Variants in CNTLN observed in about 807,000 individuals in gnomAD.
The protein encoded by CNTLN is centlein, also known as centlein, centrosomal protein.
A neutral mutation model predicts 180.0 loss-of-function variants in CNTLN; 212 were observed. The observed-to-expected ratio is 1.18, with a 90% CI of 1.05 to 1.32. CNTLN has a LOEUF of 1.32. Ranked by LOEUF, CNTLN falls within the 40% of genes most tolerant of loss-of-function variation. The probability of loss-of-function intolerance (pLI) is 0.00; values close to 1 mark genes in which losing one functional copy is unlikely to be tolerated. For missense variants in CNTLN, 2,095 were observed against 1,610.9 expected (o/e 1.30, Z -5.14); for synonymous variants, 722 against 563.1 (o/e 1.28, Z -3.99).
At chr9:17,251,149 A>T (rs986705535) in intron 5 of CNTLN, among the ~76,000 whole-genome samples, 1 of 151,986 alleles carries the variant, frequency 6.6e-6, no homozygotes, top group African/African-American at 2.4e-5. Flanking sequence ...GTGATGAGTC[A>T]CTTCTTTCTT....
intron 2 of CNTLN, among the ~76,000 whole-genome samples, chr9:17,220,156 T>C (rs967408899): frequency 6.6e-6 from 1 of 152,116 alleles, no homozygotes; most frequent in Admixed American, 6.6e-5. Context: ...TGGGTGATGA[T>C]GATGCTCGTG....
At chr9:17,464,989 A>G (rs2134203372) in intron 21 of CNTLN, among the ~76,000 whole-genome samples, 1 of 151,394 alleles carries the variant, frequency 6.6e-6, no homozygotes, top group African/African-American at 2.4e-5. Context: ...TATAACTATC[A>G]GAAGTTCTTT....
chr9:17,306,518 A>G (rs371507092), intron 7 of CNTLN, among the ~76,000 whole-genome samples: 20 of 152,218 alleles, frequency 1.3e-4, no homozygotes, highest in South Asian at 4.1e-4. Context: ...GCCTTCTTCC[A>G]TGAATGAATC....
rs144339600 is a variant in CNTLN, at chr9:17,162,533, G to C, written c.449+19157G>C. Reference sequence around the variant, plus strand: ...ACTACCTTCACTAGAGATACACTAAGCTTTGTTGGTAGAAGAGAATACAGT... The same window carrying C: ...ACTACCTTCACTAGAGATACACTAACCTTTGTTGGTAGAAGAGAATACAGT... On this transcript the variant is annotated intron_variant, in intron 2 of 25. Coordinates refer to ENST00000380647, the MANE Select transcript of CNTLN (RefSeq NM_017738.4). Among the ~76,000 whole-genome samples the C allele has an allele frequency of 9.9e-4, 151 of 152,312 alleles. 2 individuals are homozygous for C. The highest frequency in any genetic ancestry group is 3.6e-3 in the African/African-American group (149 of 41,548).
intron 3 of CNTLN, among the ~76,000 whole-genome samples, chr9:17,233,130 A>G (rs1824914775): frequency 6.6e-6 from 1 of 152,138 alleles, no homozygotes; most frequent in Admixed American, 6.5e-5. Flanking sequence ...TAGCAATTTC[A>G]CTTTTAAGTG....
At chr9:17,350,738 T>G (rs1822293280) in intron 12 of CNTLN, among the ~76,000 whole-genome samples, 1 of 152,096 alleles carries the variant, frequency 6.6e-6, no homozygotes, top group South Asian at 2.1e-4. Flanking sequence ...CATTTCAGAT[T>G]TCTCATCTTA....
chr9:17,217,842 C>G (rs1823864891), intron 2 of CNTLN, among the ~76,000 whole-genome samples: 1 of 152,072 alleles, frequency 6.6e-6, no homozygotes, highest in Non-Finnish European at 1.5e-5. Context: ...TAATTTCTAA[C>G]TATAAAACAG....
At chr9:17,154,007 G>T (rs1038537041) in intron 2 of CNTLN, among the ~76,000 whole-genome samples, 4 of 152,058 alleles carry the variant, frequency 2.6e-5, no homozygotes, top group Non-Finnish European at 4.4e-5. Flanking sequence ...GCTCTGTCAG[G>T]TCTTTTATGT....
At chr9:17,165,383 G>C (rs1819998486) in intron 2 of CNTLN, among the ~76,000 whole-genome samples, 1 of 152,184 alleles carries the variant, frequency 6.6e-6, no homozygotes, top group Non-Finnish European at 1.5e-5. Context: ...TAGAGAAAAG[G>C]TGACAGTGGA....
At chr9:17,301,333 C>G (rs994247050) in intron 7 of CNTLN, 1 of 985,072 alleles carries the variant, frequency 1.0e-6, no homozygotes, top group Admixed American at 6.2e-5. Flanking sequence ...TTATCCCTTC[C>G]AAGAATCATT....
chr9:17,159,205 G>A (rs1411840591), intron 2 of CNTLN, among the ~76,000 whole-genome samples: 1 of 152,090 alleles, frequency 6.6e-6, no homozygotes, highest in Non-Finnish European at 1.5e-5. Context: ...TTATGGCCAA[G>A]CATATGGTCT....
intron 8 of CNTLN, among the ~76,000 whole-genome samples, chr9:17,321,687 G>T (rs956588306): frequency 6.6e-6 from 1 of 152,144 alleles, no homozygotes. Context: ...TTTTCAGGTG[G>T]TAGGGAGAAG....
chr9:17,351,730 T>C (rs936316034), intron 12 of CNTLN, among the ~76,000 whole-genome samples: 1 of 152,174 alleles, frequency 6.6e-6, no homozygotes, highest in Non-Finnish European at 1.5e-5. Context: ...TCCACTCTTA[T>C]CTCTTCATAT....
intron 12 of CNTLN, among the ~76,000 whole-genome samples, chr9:17,352,997 C>T (rs1822505217): frequency 6.6e-6 from 1 of 152,216 alleles, no homozygotes; most frequent in South Asian, 2.1e-4. Flanking sequence ...ATTTTGGCTA[C>T]TCTGAATAGT....
chr9:17,494,357 G>GA (rs1428389445), intron 25 of CNTLN, among the ~76,000 whole-genome samples: 1 of 152,020 alleles, frequency 6.6e-6, no homozygotes, highest in Non-Finnish European at 1.5e-5. Context: ...TAATGAAGCT[G>GA]AAAATTTTTT....
intron 2 of CNTLN, among the ~76,000 whole-genome samples, chr9:17,192,838 G>T (rs78030392): frequency 0.014 from 2,108 of 152,250 alleles, 78 homozygotes; most frequent in East Asian, 0.12. Context: ...TCAAGGAAAA[G>T]AAGCTGTAGT....
At chr9:17,395,998 C>G (rs1244000345) in intron 15 of CNTLN, among the ~76,000 whole-genome samples, 1 of 152,104 alleles carries the variant, frequency 6.6e-6, no homozygotes, top group Non-Finnish European at 1.5e-5. Context: ...AGGAGCCAGC[C>G]AAAACCCACC....
At chr9:17,189,483 T>C (rs1821656538) in intron 2 of CNTLN, among the ~76,000 whole-genome samples, 1 of 150,242 alleles carries the variant, frequency 6.7e-6, no homozygotes. Context: ...TTTTTGTTGT[T>C]GTTTTTGTTT....
In CNTLN at chr9:17,475,209, A is replaced by G. The variant is rs1832266024; in HGVS notation, c.3855+8318A>G. On this transcript the variant is annotated intron_variant, in intron 23 of 25. Transcript: ENST00000380647. ...TCAAACATATGAAACAATGGAAAAC[A>G]AAGAAGCTAGTAAAACCTGTAAGCT... Among the ~76,000 whole-genome samples, 5 of 152,148 alleles carry G rather than the reference A, an allele frequency of 3.3e-5. No individual in the cohort carries two copies. In the South Asian group the frequency reaches 1.0e-3, roughly 32 times the overall value.
Sources: gnomAD v4.1 joint callset for allele counts (sites outside exome capture counted in the v4.1 genomes callset) on GRCh38, gnomAD v4.1.1 for gene constraint, MANE v1.5 for transcripts, NCBI Gene and HGNC (gene_info 2026-07-23, HGNC 2026-07-21) for gene names.